The following VRK2 variants were observed in gnomAD, a reference collection of about 807,000 sequenced individuals.
VRK2 encodes the protein serine/threonine-protein kinase VRK2.
A neutral mutation model predicts 57.6 loss-of-function variants in VRK2; 60 were observed. That is an observed-to-expected ratio of 1.04 (90% CI 0.85 to 1.29). The LOEUF (loss-of-function observed/expected upper bound fraction) is 1.29, where lower values mean the gene tolerates loss of function less well. VRK2 is among the 50% of genes most tolerant of loss of function. The pLI is 0.00. For synonymous variants in VRK2, 231 were observed against 199.2 expected (o/e 1.16, Z -1.35); for missense variants, 705 against 588.1 (o/e 1.20, Z -2.06).
intron 1 of VRK2, chr2:58,048,569 G>C: frequency 7.1e-7 from 1 of 1,412,968 alleles, no homozygotes; most frequent in Non-Finnish European, 9.4e-7. Context: ...ACCCCGAAAT[G>C]AATTTTGGAT....
At chr2:58,021,753 T>C (rs1014755460) in intron 1 of VRK2, among the ~76,000 whole-genome samples, 1 of 152,124 alleles carries the variant, frequency 6.6e-6, no homozygotes, top group South Asian at 2.1e-4. Flanking sequence ...GCATCCCCCA[T>C]ACCTTTCCAC....
At chr2:58,050,730 A>G (rs1675586034) in intron 2 of VRK2, among the ~76,000 whole-genome samples, 4 of 152,334 alleles carry the variant, frequency 2.6e-5, no homozygotes, top group Middle Eastern at 3.4e-3. Flanking sequence ...ACACATAGTC[A>G]CTATTGTTAC....
At chr2:58,009,486 T>A (rs1673353822) in intron 1 of VRK2, among the ~76,000 whole-genome samples, 1 of 150,462 alleles carries the variant, frequency 6.6e-6, no homozygotes, top group South Asian at 2.1e-4. Flanking sequence ...AAGGTTGATG[T>A]CTTTATTTTT....
chr2:58,149,066 G>A (rs1277593810), intron 12 of VRK2, among the ~76,000 whole-genome samples: 1 of 151,740 alleles, frequency 6.6e-6, no homozygotes, highest in Non-Finnish European at 1.5e-5. Flanking sequence ...TACATTAAGT[G>A]TAAAGATGAG....
At chr2:58,077,875 C>G (rs1203538967) in intron 2 of VRK2, among the ~76,000 whole-genome samples, 1 of 152,126 alleles carries the variant, frequency 6.6e-6, no homozygotes, top group Admixed American at 6.6e-5. Flanking sequence ...CCCTAGATGT[C>G]TCTATACTTC....
At chr2:58,130,599 C>T (rs1313948779) in intron 8 of VRK2, among the ~76,000 whole-genome samples, 4 of 152,104 alleles carry the variant, frequency 2.6e-5, no homozygotes, top group African/African-American at 7.2e-5. Flanking sequence ...AAAGTAGTTA[C>T]GATGTGTTGG....
chr2:58,120,184 CTTTTTTTTTTT>C (rs397868874), intron 7 of VRK2, among the ~76,000 whole-genome samples: 9 of 51,988 alleles, frequency 1.7e-4, no homozygotes, highest in East Asian at 5.7e-4. Context: ...TTTTTCTTTT[CTTTTTTTTTTT>C]TTTTTTTTTT....
chr2:58,119,980 C>A (rs1476429105), intron 7 of VRK2, among the ~76,000 whole-genome samples: 1 of 151,612 alleles, frequency 6.6e-6, no homozygotes, highest in Non-Finnish European at 1.5e-5. Flanking sequence ...CTATGAAGAC[C>A]TCCAAGAACA....
intron 7 of VRK2, among the ~76,000 whole-genome samples, chr2:58,096,565 G>A (rs909993713): frequency 3.3e-5 from 5 of 151,620 alleles, no homozygotes; most frequent in Non-Finnish European, 5.9e-5. Context: ...TTCAGTGATT[G>A]TTTCTCTCTA....
intron 7 of VRK2, among the ~76,000 whole-genome samples, chr2:58,102,144 T>C (rs923943774): frequency 1.3e-5 from 2 of 151,596 alleles, no homozygotes; most frequent in African/African-American, 2.4e-5. Context: ...GAAAACTCTT[T>C]TAGCACATTC....
chr2:58,002,354 T>C (rs1673115505), intron 1 of VRK2, among the ~76,000 whole-genome samples: 1 of 152,112 alleles, frequency 6.6e-6, no homozygotes, highest in South Asian at 2.1e-4. Context: ...GGCATGCACC[T>C]ATAATCCCAG....
At chr2:58,138,394 A>T (rs1393307185) in intron 10 of VRK2, among the ~76,000 whole-genome samples, 1 of 152,114 alleles carries the variant, frequency 6.6e-6, no homozygotes, top group Non-Finnish European at 1.5e-5. Context: ...AAAATAGATG[A>T]AAAAAACAGG....
chr2:57,971,077 C>T (rs548906148), intron 1 of VRK2, among the ~76,000 whole-genome samples: 2 of 151,804 alleles, frequency 1.3e-5, no homozygotes, highest in South Asian at 4.2e-4. Flanking sequence ...CATTGGGGTG[C>T]CCAGTTTCAA....
intron 3 of VRK2, 33 bp downstream of exon 3, chr2:58,084,171 A>G (rs369968720): frequency 1.8e-5 from 28 of 1,565,446 alleles, no homozygotes; most frequent in Non-Finnish European, 2.3e-5. Flanking sequence ...TATTTCACAT[A>G]TATTTGACTT....
intron 2 of VRK2, among the ~76,000 whole-genome samples, chr2:58,062,841 C>T (rs936194941): frequency 6.6e-6 from 1 of 152,094 alleles, no homozygotes; most frequent in Admixed American, 6.6e-5. Context: ...GCAAGTTATC[C>T]AGAAGTTCTA....
At chr2:58,017,637 C>G (rs925946866) in intron 1 of VRK2, among the ~76,000 whole-genome samples, 3 of 151,974 alleles carry the variant, frequency 2.0e-5, no homozygotes, top group Admixed American at 2.0e-4. Flanking sequence ...TATATGTGCT[C>G]ACATTACTAT....
rs1572940983 is a variant in VRK2, at chr2:57,988,272, C to A, written c.-438-37393C>A. On this transcript the variant is annotated intron_variant, in intron 1 of 15. Transcript: ENST00000417641. ...TTTCAAAATATTTATGTTAAAATCT[C>A]TTCACATAGTTTTATGATTTCTACT... 2.0e-5 allele frequency among the ~76,000 whole-genome samples: 3 copies of A among 152,124 alleles called. No individual in the cohort carries two copies. The East Asian group carries it at 5.8e-4, about 29-fold the overall frequency.
At chr2:57,988,413 G>C (rs1384557746) in intron 1 of VRK2, among the ~76,000 whole-genome samples, 1 of 152,156 alleles carries the variant, frequency 6.6e-6, no homozygotes, top group African/African-American at 2.4e-5. Flanking sequence ...CTACATGACT[G>C]AGCTAAGATG....
At chr2:58,036,478 A>AGGG (rs1271180933) in intron 3 of VRK2, among the ~76,000 whole-genome samples, 3 of 152,062 alleles carry the variant, frequency 2.0e-5, no homozygotes, top group African/African-American at 4.8e-5. Flanking sequence ...AAAGTACCAT[A>AGGG]GGTCTAAAAT....
Sources: gnomAD v4.1 joint callset for allele counts (sites outside exome capture counted in the v4.1 genomes callset) on GRCh38, gnomAD v4.1.1 for gene constraint, MANE v1.5 for transcripts, NCBI Gene and HGNC (gene_info 2026-07-23, HGNC 2026-07-21) for gene names.